Variants in NBDY observed in about 807,000 individuals in gnomAD.
The protein encoded by NBDY is P-body dissociating protein.
intron 2 of NBDY, among the ~76,000 whole-genome samples, chrX:56,747,831 G>C (rs1024066039): frequency 1.4e-4 from 16 of 111,428 alleles, no homozygotes; most frequent in Non-Finnish European, 2.4e-4. Flanking sequence ...CAGTGAATTT[G>C]AGAAAGTTTT....
intron 2 of NBDY, among the ~76,000 whole-genome samples, chrX:56,742,041 T>A (rs1325566429): frequency 8.9e-6 from 1 of 112,016 alleles, no homozygotes; most frequent in East Asian, 2.8e-4. Context: ...GTTTCATTCT[T>A]CTGCATATGG....
chrX:56,800,712 T>A (rs1396423890), intron 2 of NBDY, among the ~76,000 whole-genome samples: 1 of 111,447 alleles, frequency 9.0e-6, no homozygotes, highest in Non-Finnish European at 1.9e-5. Flanking sequence ...CTTCACTCTT[T>A]ACTTTTCATC....
intron 2 of NBDY, among the ~76,000 whole-genome samples, chrX:56,814,940 T>A (rs2069904383): frequency 9.0e-6 from 1 of 111,440 alleles, no homozygotes; most frequent in Admixed American, 9.6e-5. Flanking sequence ...ATTTTTGGAA[T>A]ATATATTTAA....
chrX:56,808,685 T>G (rs1206789705), intron 2 of NBDY, among the ~76,000 whole-genome samples: 1 of 112,003 alleles, frequency 8.9e-6, no homozygotes, highest in Non-Finnish European at 1.9e-5. Flanking sequence ...GTCTATCTAT[T>G]TTGTTGATCT....
chrX:56,802,685 C>T (rs959194098), intron 2 of NBDY, among the ~76,000 whole-genome samples: 1 of 113,186 alleles, frequency 8.8e-6, no homozygotes, highest in Non-Finnish European at 1.9e-5. Flanking sequence ...TGTCCTGGGG[C>T]GGCAGCCCCA....
intron 2 of NBDY, among the ~76,000 whole-genome samples, chrX:56,763,900 A>G (rs1288864837): frequency 8.9e-6 from 1 of 112,234 alleles, no homozygotes; most frequent in Non-Finnish European, 1.9e-5. Context: ...TGGCAGGGTT[A>G]CAGTTGTAGT....
intron 2 of NBDY, among the ~76,000 whole-genome samples, chrX:56,789,456 G>A (rs998985426): frequency 8.9e-6 from 1 of 112,184 alleles, no homozygotes; most frequent in Non-Finnish European, 1.9e-5. Flanking sequence ...ATTGGCCCAG[G>A]TCCCCAAAGC....
chrX:56,756,394 A>T (rs1043261679), intron 2 of NBDY, among the ~76,000 whole-genome samples: 13 of 108,538 alleles, frequency 1.2e-4, no homozygotes, highest in Non-Finnish European at 2.5e-4. Context: ...TTGGAAAAGG[A>T]TACACCCTAT....
chrX:56,781,951 T>A lies in NBDY; in HGVS notation c.*167-35369T>A, dbSNP rs777098161. 2.8e-4 allele frequency among the ~76,000 whole-genome samples: 31 copies of A among 111,759 alleles called. 1 individual carries two copies. The highest frequency in any genetic ancestry group is 2.4e-4 in the Non-Finnish European group (13 of 53,155). On this transcript the variant is annotated intron_variant, in intron 2 of 2. Transcript: ENST00000374922. ...CTTTGGGCTTGGTGGCCCCTTGCAG[T>A]CAGCTGATGACATCCTCAGGGTAAG...
intron 2 of NBDY, among the ~76,000 whole-genome samples, chrX:56,744,968 T>C (rs1423586793): frequency 1.8e-5 from 2 of 111,725 alleles, no homozygotes; most frequent in African/African-American, 6.5e-5. Flanking sequence ...CCTTATTAAG[T>C]TGAAAACTTC....
chrX:56,811,561 T>C (rs1293033092), intron 2 of NBDY, among the ~76,000 whole-genome samples: 4 of 111,655 alleles, frequency 3.6e-5, no homozygotes, highest in Non-Finnish European at 7.5e-5. Flanking sequence ...ACTGTAAGGG[T>C]AAAACTGCCT....
chrX:56,804,736 G>A lies in NBDY; in HGVS notation c.*167-12584G>A, dbSNP rs1265888698. On this transcript the variant is annotated intron_variant, in intron 2 of 2. Transcript: ENST00000374922. Reference sequence around the variant, plus strand: ...AGATTATTCAGCCTGGAAAATGGATGAGACAGTGGAGGACAAATTGTGCCA... The same window carrying A: ...AGATTATTCAGCCTGGAAAATGGATAAGACAGTGGAGGACAAATTGTGCCA... Among the ~76,000 whole-genome samples, 7 of 111,840 alleles carry A rather than the reference G, an allele frequency of 6.3e-5. No individual in the cohort carries two copies. The Admixed American group carries it at 6.6e-4, about 11-fold the overall frequency.
intron 2 of NBDY, among the ~76,000 whole-genome samples, chrX:56,781,144 C>G (rs989632220): frequency 1.8e-5 from 2 of 111,330 alleles, no homozygotes; most frequent in South Asian, 3.8e-4. Context: ...ACATCAATCA[C>G]GTCTGAACTA....
intron 2 of NBDY, among the ~76,000 whole-genome samples, chrX:56,788,779 G>T (rs1267459588): frequency 8.9e-6 from 1 of 112,492 alleles, no homozygotes; most frequent in Non-Finnish European, 1.9e-5. Flanking sequence ...CAAAATGGCT[G>T]GGGGGCAGCT....
chrX:56,803,891 A>G (rs1457813150), intron 2 of NBDY, among the ~76,000 whole-genome samples: 4 of 112,213 alleles, frequency 3.6e-5, no homozygotes, highest in Non-Finnish European at 7.5e-5. Context: ...CTCCCCACCT[A>G]CATGGTCTCT....
chrX:56,808,564 C>A (rs1569292979), intron 2 of NBDY, among the ~76,000 whole-genome samples: 1 of 112,325 alleles, frequency 8.9e-6, no homozygotes, highest in East Asian at 2.8e-4. Context: ...TTATAGTATT[C>A]TCTGATGGTA....
chrX:56,799,849 A>G (rs1390639025), intron 2 of NBDY, among the ~76,000 whole-genome samples: 3 of 112,716 alleles, frequency 2.7e-5, no homozygotes, highest in Non-Finnish European at 5.6e-5. Context: ...CTTTGGGGAA[A>G]CTTGCAACAG....
intron 2 of NBDY, among the ~76,000 whole-genome samples, chrX:56,734,651 T>G (rs1030333697): frequency 1.6e-4 from 18 of 111,805 alleles, no homozygotes; most frequent in African/African-American, 5.9e-4. Context: ...AGTTCCACTC[T>G]TCTCATCTCC....
At chrX:56,805,462 A>G (rs894174475) in intron 2 of NBDY, among the ~76,000 whole-genome samples, 6 of 112,149 alleles carry the variant, frequency 5.4e-5, no homozygotes, top group African/African-American at 1.9e-4. Context: ...CCTGGATCCC[A>G]TTGTCTAGAC....
Sources: gnomAD v4.1 joint callset for allele counts (sites outside exome capture counted in the v4.1 genomes callset) on GRCh38, gnomAD v4.1.1 for gene constraint, MANE v1.5 for transcripts, NCBI Gene and HGNC (gene_info 2026-07-23, HGNC 2026-07-21) for gene names.